Variants in ARHGAP44 observed in about 807,000 individuals in gnomAD.
ARHGAP44 encodes the protein rho GTPase-activating protein 44.
In ARHGAP44, 43 loss-of-function variants were observed where a neutral mutation model predicts 106.8. The ratio of observed to expected loss-of-function variants is 0.40; its 90% CI spans 0.32 to 0.52. The LOEUF is 0.52. Among genes scored for constraint, ARHGAP44 ranks in the 20% least tolerant of loss-of-function variants. The pLI is 0.48. For missense variants in ARHGAP44, 866 were observed against 1,050.5 expected (o/e 0.82, Z 2.43); for synonymous variants, 439 against 410.3 (o/e 1.07, Z -0.85).
chr17:12,894,451 A>C (rs2037144691), intron 1 of ARHGAP44, among the ~76,000 whole-genome samples: 1 of 152,106 alleles, frequency 6.6e-6, no homozygotes, highest in South Asian at 2.1e-4. Context: ...TAAATGTAGA[A>C]GTTTCAGGTT....
At chr17:12,877,812 A>G (rs953748548) in intron 1 of ARHGAP44, among the ~76,000 whole-genome samples, 1 of 152,218 alleles carries the variant, frequency 6.6e-6, no homozygotes, top group Admixed American at 6.5e-5. Flanking sequence ...AAAAATAAAA[A>G]GACTGTCTCT....
chr17:12,956,782 AG>A, intron 15 of ARHGAP44, 36 bp downstream of exon 15: 1 of 1,581,464 alleles, frequency 6.3e-7, no homozygotes, highest in Admixed American at 1.7e-5. Context: ...GGCAAGAGGC[AG>A]GGAACAGGAG....
At chr17:12,968,831 G>A (rs1388340153) in intron 16 of ARHGAP44, among the ~76,000 whole-genome samples, 15 of 148,772 alleles carry the variant, frequency 1.0e-4, no homozygotes, top group African/African-American at 3.7e-4. Context: ...GTGCAGTGGC[G>A]CCATCTCAGC....
intron 18 of ARHGAP44, among the ~76,000 whole-genome samples, chr17:12,977,143 C>CA (rs1462494874): frequency 6.6e-6 from 1 of 152,074 alleles, no homozygotes; most frequent in Non-Finnish European, 1.5e-5. Flanking sequence ...AAAGCCAACT[C>CA]ACATTGCTCT....
chr17:12,941,178 T>C, intron 8 of ARHGAP44, 54 bp downstream of exon 8: 8 of 1,530,948 alleles, frequency 5.2e-6, no homozygotes, highest in Non-Finnish European at 7.2e-6. Flanking sequence ...GAGAAGGGAA[T>C]GTGGGCATGG....
intron 7 of ARHGAP44, among the ~76,000 whole-genome samples, chr17:12,934,144 G>A (rs1008773677): frequency 6.6e-6 from 1 of 152,164 alleles, no homozygotes; most frequent in African/African-American, 2.4e-5. Context: ...ACCGTGCCTG[G>A]TCATCACATA....
At chr17:12,840,333 TGC>T (rs2035354406) in intron 1 of ARHGAP44, among the ~76,000 whole-genome samples, 1 of 152,222 alleles carries the variant, frequency 6.6e-6, no homozygotes, top group African/African-American at 2.4e-5. Context: ...TTGGTCATAA[TGC>T]TTCTGCCATG....
At chr17:12,879,988 G>C (rs1157582354) in intron 1 of ARHGAP44, among the ~76,000 whole-genome samples, 1 of 151,990 alleles carries the variant, frequency 6.6e-6, no homozygotes, top group African/African-American at 2.4e-5. Flanking sequence ...TGGTCTTACT[G>C]TCTCAGGTGT....
At chr17:12,903,126 G>GAGAGGAGAGAGA (rs57334058) in intron 3 of ARHGAP44, among the ~76,000 whole-genome samples, 2 of 70,700 alleles carry the variant, frequency 2.8e-5, no homozygotes, top group African/African-American at 6.5e-5. Flanking sequence ...GAGAGAGAGA[G>GAGAGGAGAGAGA]GAGAGAGAGA....
At chr17:12,951,285 CATTTGAGGA>C (rs2038986808) in intron 12 of ARHGAP44, among the ~76,000 whole-genome samples, 1 of 152,166 alleles carries the variant, frequency 6.6e-6, no homozygotes, top group African/African-American at 2.4e-5. Flanking sequence ...TCCTATTTTA[CATTTGAGGA>C]ATTTGAGGTA....
intron 5 of ARHGAP44, among the ~76,000 whole-genome samples, chr17:12,917,070 C>T (rs1407898637): frequency 6.6e-6 from 1 of 152,198 alleles, no homozygotes; most frequent in African/African-American, 2.4e-5. Flanking sequence ...CCAAATATTT[C>T]TGGTCCCAAG....
At chr17:12,800,169 AT>A (rs1172907111) in intron 1 of ARHGAP44, among the ~76,000 whole-genome samples, 5 of 152,174 alleles carry the variant, frequency 3.3e-5, no homozygotes, top group Non-Finnish European at 7.4e-5. Flanking sequence ...TGAAGCATTT[AT>A]TTTGTTATTT....
chr17:12,947,051 A>T (rs746697719), intron 10 of ARHGAP44, among the ~76,000 whole-genome samples: 2 of 152,068 alleles, frequency 1.3e-5, no homozygotes, highest in African/African-American at 4.8e-5. Context: ...AAAACAATAT[A>T]TCTCTTTTCA....
At chr17:12,943,937 A>G in intron 9 of ARHGAP44, 132 bp from the exon 10 acceptor site, 1 of 1,300,056 alleles carries the variant, frequency 7.7e-7, no homozygotes. Context: ...TTAAAACCAC[A>G]GAATGGAGGC....
At chr17:12,896,117 G>C (rs1294592962) in intron 2 of ARHGAP44, among the ~76,000 whole-genome samples, 2 of 126,974 alleles carry the variant, frequency 1.6e-5, no homozygotes, top group African/African-American at 5.8e-5. Context: ...ATAGGGGGAG[G>C]GGGGAGGGGG....
chr17:12,929,068 C>T lies in ARHGAP44; in HGVS notation c.582+22C>T, dbSNP rs1234178473. The T allele has an allele frequency of 5.0e-6, 8 of 1,593,410 alleles. No individual in the cohort carries two copies. In the South Asian group the frequency reaches 7.9e-5, roughly 16 times the overall value. The stretch of plus-strand genomic sequence containing the variant: ...CAGGGTACCTGCCCTCTTTGCTCCT[C>T]TCTACTGGGACAGGCTGGGGAGCCC... On this transcript the variant is annotated intron_variant, in intron 7 of 20. Coordinates refer to ENST00000379672, the MANE Select transcript of ARHGAP44 (RefSeq NM_014859.6).
chr17:12,959,089 G>A (rs913242597), intron 16 of ARHGAP44, 192 bp downstream of exon 16: 1 of 651,214 alleles, frequency 1.5e-6, no homozygotes, highest in Non-Finnish European at 2.7e-6. Flanking sequence ...TTAGACCAGA[G>A]GTCAGTGTAG....
chr17:12,989,792 T>G (rs2040070134), intron 20 of ARHGAP44, among the ~76,000 whole-genome samples: 2 of 152,176 alleles, frequency 1.3e-5, no homozygotes, highest in African/African-American at 4.8e-5. Context: ...CTGGCCTTCC[T>G]CTGAACCACA....
intron 20 of ARHGAP44, chr17:12,986,263 G>T (rs528856486): frequency 2.6e-5 from 4 of 152,282 alleles, no homozygotes; most frequent in Admixed American, 2.0e-4. Context: ...ATCTTGGTGG[G>T]TCTTGGTGCT....
Sources: gnomAD v4.1 joint callset for allele counts (sites outside exome capture counted in the v4.1 genomes callset) on GRCh38, gnomAD v4.1.1 for gene constraint, MANE v1.5 for transcripts, NCBI Gene and HGNC (gene_info 2026-07-23, HGNC 2026-07-21) for gene names.